WDR7: variants seen among roughly 807,000 people sequenced by gnomAD.
WDR7 encodes WD repeat domain 7.
A neutral mutation model predicts 169.4 loss-of-function variants in WDR7; 46 were observed. That is an observed-to-expected ratio of 0.27 (90% confidence interval 0.21 to 0.35). WDR7 has a LOEUF of 0.35. Among genes scored for constraint, WDR7 ranks in the 10% least tolerant of loss-of-function variants. The pLI is 1.00. For synonymous variants in WDR7, 612 were observed against 666.8 expected (o/e 0.92, Z 1.27); for missense variants, 1,534 against 1,859.3 (o/e 0.83, Z 3.22).
chr18:57,026,833 G>A (rs940750669), intron 27 of WDR7, among the ~76,000 whole-genome samples, 171 bp from the exon 28 acceptor site: 2 of 152,140 alleles, frequency 1.3e-5, no homozygotes, highest in African/African-American at 2.4e-5. Context: ...AACAGCATCG[G>A]AACAATTCCA....
At chr18:57,019,685 A>G (rs1275004719) in intron 26 of WDR7, among the ~76,000 whole-genome samples, 3 of 152,146 alleles carry the variant, frequency 2.0e-5, no homozygotes, top group Non-Finnish European at 4.4e-5. Context: ...ATGTAATATG[A>G]AAAAAATCTC....
intron 25 of WDR7, among the ~76,000 whole-genome samples, chr18:56,940,437 A>G (rs953469127): frequency 6.6e-6 from 1 of 152,172 alleles, no homozygotes; most frequent in Middle Eastern, 3.2e-3. Context: ...AAATTTAAAA[A>G]CATAAACACA....
chr18:56,712,528 A>G (rs939617602), intron 12 of WDR7, among the ~76,000 whole-genome samples: 1 of 152,250 alleles, frequency 6.6e-6, no homozygotes, highest in Non-Finnish European at 1.5e-5. Context: ...TAAAATAAAA[A>G]TAGAGTTTTT....
intron 19 of WDR7, among the ~76,000 whole-genome samples, chr18:56,792,703 T>C (rs1349715850): frequency 6.7e-6 from 1 of 149,286 alleles, no homozygotes; most frequent in Admixed American, 6.8e-5. Flanking sequence ...TCTAGCACAA[T>C]TGAAAACTGC....
chr18:56,680,968 C>G (rs2025340280), intron 3 of WDR7, among the ~76,000 whole-genome samples: 1 of 152,114 alleles, frequency 6.6e-6, no homozygotes. Flanking sequence ...AGGGAGCAAC[C>G]TCTGTGTGAA....
At chr18:56,919,065 A>T (rs2046671609) in intron 21 of WDR7, among the ~76,000 whole-genome samples, 1 of 152,178 alleles carries the variant, frequency 6.6e-6, no homozygotes, top group Admixed American at 6.5e-5. Context: ...AAAAGGAAAA[A>T]TTTCATTCTA....
rs142728155 is a variant in WDR7 at position 56,914,598 on chromosome 18, G to A, written c.3527-9324G>A. Among the ~76,000 whole-genome samples, 46 of 152,228 alleles carry A rather than the reference G, an allele frequency of 3.0e-4. No homozygotes were observed. The East Asian group carries it at 8.3e-3, about 28-fold the overall frequency. On this transcript the variant is annotated intron_variant, in intron 21 of 27. Transcript: ENST00000254442. Reference sequence around the variant, plus strand: ...CAATAGTCCTCCCGCTTTTGGGAAGGGGATATAGAAGTGTTCGGACTATTC... The same window carrying A: ...CAATAGTCCTCCCGCTTTTGGGAAGAGGATATAGAAGTGTTCGGACTATTC...
intron 26 of WDR7, among the ~76,000 whole-genome samples, chr18:56,988,601 G>A (rs2047761268): frequency 1.5e-5 from 2 of 132,520 alleles, no homozygotes; most frequent in African/African-American, 2.5e-5. Context: ...GTGTGTGTGT[G>A]TGTGTGTGTG....
intron 20 of WDR7, among the ~76,000 whole-genome samples, chr18:56,875,403 A>G (rs2046009283): frequency 1.3e-5 from 2 of 152,162 alleles, no homozygotes; most frequent in Admixed American, 1.3e-4. Context: ...TATTCTTTAT[A>G]CTATGCTTAC....
intron 19 of WDR7, among the ~76,000 whole-genome samples, chr18:56,784,953 A>G (rs916415837): frequency 6.6e-6 from 1 of 151,880 alleles, no homozygotes; most frequent in African/African-American, 2.4e-5. Flanking sequence ...TGCATTCTAC[A>G]TGTAACTGAA....
intron 19 of WDR7, among the ~76,000 whole-genome samples, chr18:56,799,793 G>A (rs1196713729): frequency 6.6e-6 from 1 of 151,744 alleles, no homozygotes; most frequent in African/African-American, 2.4e-5. Context: ...TGATTCTCAT[G>A]ACACCAAGTG....
At chr18:56,825,589 A>G (rs180759604) in intron 20 of WDR7, among the ~76,000 whole-genome samples, 3 of 152,314 alleles carry the variant, frequency 2.0e-5, no homozygotes, top group Non-Finnish European at 4.4e-5. Context: ...AAGCTGGGCT[A>G]TTGCTTCTAG....
Position 56,677,684 on chromosome 18 carries a change from T to C in WDR7, c.160-1648T>C, listed in dbSNP as rs887132280. On this transcript the variant is annotated intron_variant, in intron 2 of 27. Transcript: ENST00000254442. ...GTTGTGTCTTTTCTTTTTTGGCTTTTAGGATTCTTTCTTAATCCTTGACCT... is the reference window on the plus strand; with the variant it reads ...GTTGTGTCTTTTCTTTTTTGGCTTTCAGGATTCTTTCTTAATCCTTGACCT... Among the ~76,000 whole-genome samples, 3 of 152,190 alleles carry C rather than the reference T, an allele frequency of 2.0e-5. No individual in the cohort carries two copies. The South Asian group carries it at 6.2e-4, about 32-fold the overall frequency.
intron 14 of WDR7, among the ~76,000 whole-genome samples, chr18:56,754,332 T>C (rs1404784066): frequency 2.0e-5 from 3 of 150,616 alleles, no homozygotes; most frequent in South Asian, 2.1e-4. Flanking sequence ...TGTGTATATA[T>C]ACGTATATAT....
At chr18:56,966,215 T>G (rs1162192856) in intron 26 of WDR7, among the ~76,000 whole-genome samples, 1 of 152,134 alleles carries the variant, frequency 6.6e-6, no homozygotes, top group African/African-American at 2.4e-5. Context: ...AGTTGACCCT[T>G]GAACAAGGGT....
At chr18:56,976,111 G>C (rs558070444) in intron 26 of WDR7, among the ~76,000 whole-genome samples, 6 of 152,306 alleles carry the variant, frequency 3.9e-5, no homozygotes, top group South Asian at 2.1e-4. Flanking sequence ...TGGAGGCTTT[G>C]GAAATGATCC....
At chr18:56,718,365 T>C (rs562002071) in intron 13 of WDR7, among the ~76,000 whole-genome samples, 13 of 152,310 alleles carry the variant, frequency 8.5e-5, no homozygotes, top group African/African-American at 3.1e-4. Flanking sequence ...AAGCATGTAA[T>C]TGAGGATAAT....
At chr18:56,967,160 G>T (rs989078308) in intron 26 of WDR7, among the ~76,000 whole-genome samples, 7 of 151,594 alleles carry the variant, frequency 4.6e-5, no homozygotes, top group African/African-American at 1.7e-4. Flanking sequence ...AAGGCCAGGA[G>T]TTCAGCCTGC....
At chr18:56,721,570 C>G (rs746588297) in intron 13 of WDR7, 1 of 152,190 alleles carries the variant, frequency 6.6e-6, no homozygotes, top group African/African-American at 2.4e-5. Flanking sequence ...TTCCCTCTTA[C>G]GAAGTTATTA....
Sources: allele counts gnomAD v4.1 joint callset (sites outside exome capture counted in the v4.1 genomes callset), GRCh38; gene constraint gnomAD v4.1.1; transcripts MANE v1.5; gene names NCBI Gene and HGNC (gene_info 2026-07-23, HGNC 2026-07-21).